MMP26: variants seen among roughly 807,000 people sequenced by gnomAD.
MMP26 encodes matrix metalloproteinase-26.
MMP26 carries 33 observed loss-of-function variants against 31.0 expected under a neutral mutation model. That is an observed-to-expected ratio of 1.06 (90% CI 0.81 to 1.42). The LOEUF (loss-of-function observed/expected upper bound fraction) is 1.42. Among genes scored for constraint, MMP26 ranks in the 40% most tolerant of loss-of-function variants. The pLI is 0.00. For synonymous variants in MMP26, 122 were observed against 114.9 expected (o/e 1.06, Z -0.40); for missense variants, 347 against 316.1 (o/e 1.10, Z -0.74).
At chr11:4,974,352 A>G (rs1846707585) in intron 2 of MMP26, among the ~76,000 whole-genome samples, 1 of 145,476 alleles carries the variant, frequency 6.9e-6, no homozygotes, top group Non-Finnish European at 1.5e-5. Context: ...AAAAGTTCAA[A>G]ACATTTACAT....
chr11:4,906,049 A>G (rs1023620858), intron 2 of MMP26, among the ~76,000 whole-genome samples: 1 of 152,190 alleles, frequency 6.6e-6, no homozygotes, highest in African/African-American at 2.4e-5. Flanking sequence ...TCCAATCAAG[A>G]TGGATAAGAT....
chr11:4,791,908 A>G (rs1564910552), intron 2 of MMP26, among the ~76,000 whole-genome samples: 1 of 151,738 alleles, frequency 6.6e-6, no homozygotes, highest in Non-Finnish European at 1.5e-5. Context: ...TTTTTCTAGC[A>G]ATCACCCTAT....
At chr11:4,816,968 C>G (rs187221094) in intron 2 of MMP26, among the ~76,000 whole-genome samples, 2 of 150,484 alleles carry the variant, frequency 1.3e-5, no homozygotes, top group African/African-American at 2.4e-5. Context: ...CCTCGGCCTC[C>G]CAAAGTGGGG....
chr11:4,908,468 G>C (rs1456807537), intron 2 of MMP26: 1 of 676,840 alleles, frequency 1.5e-6, no homozygotes. Flanking sequence ...TAACTGAACA[G>C]GATAGAAAAA....
chr11:4,923,691 A>G, intron 2 of MMP26: 2 of 1,614,122 alleles, frequency 1.2e-6, no homozygotes, highest in South Asian at 1.1e-5. Context: ...TATGAGAGAA[A>G]GATGAGCAGG....
chr11:4,756,875 G>C (rs893443432), intron 1 of MMP26: 4 of 151,616 alleles, frequency 2.6e-5, no homozygotes, highest in Non-Finnish European at 5.9e-5. Flanking sequence ...TATTTTAAAA[G>C]ATGTAAATAA....
intron 2 of MMP26, among the ~76,000 whole-genome samples, chr11:4,862,103 T>C (rs1850169637): frequency 1.3e-5 from 2 of 152,326 alleles, no homozygotes; most frequent in South Asian, 4.1e-4. Context: ...TCACCCCTAG[T>C]GAAGCTCTCC....
At chr11:4,858,207 T>G (rs1481556728) in intron 2 of MMP26, among the ~76,000 whole-genome samples, 2 of 151,972 alleles carry the variant, frequency 1.3e-5, no homozygotes, top group Admixed American at 6.6e-5. Context: ...TTCAACATAG[T>G]ATTGGAAGTT....
intron 1 of MMP26, among the ~76,000 whole-genome samples, chr11:4,745,918 T>C (rs1031867513): frequency 2.0e-5 from 3 of 152,212 alleles, no homozygotes; most frequent in African/African-American, 4.8e-5. Context: ...TTCTTTAATG[T>C]CTTTTCATGG....
At chr11:4,765,058 C>T (rs1237268698) in intron 1 of MMP26, among the ~76,000 whole-genome samples, 2 of 152,152 alleles carry the variant, frequency 1.3e-5, no homozygotes, top group African/African-American at 4.8e-5. Context: ...CTTGGCTTCT[C>T]CTTGTAACTC....
intron 1 of MMP26, among the ~76,000 whole-genome samples, chr11:4,745,978 C>T (rs1177381946): frequency 6.6e-6 from 1 of 152,136 alleles, no homozygotes; most frequent in Admixed American, 6.6e-5. Context: ...AGAGATGTAT[C>T]AGGAATCCAA....
rs534203895 is a variant in MMP26 at position 4,848,073 on chromosome 11, G to T, written c.-145+80732G>T. 5.5e-5 allele frequency: 38 copies of T among 686,786 alleles called. No homozygotes were observed. The African/African-American group carries it at 6.6e-4, about 12-fold the overall frequency. 42.5% of individuals were successfully genotyped at this position (686,786 alleles called of 1,614,324 possible). ...CATGTTCATTCTTTGGGGCTTGTAAGTTTGCATCAATATACACAGGCATAC... is the reference window on the plus strand; with the variant it reads ...CATGTTCATTCTTTGGGGCTTGTAATTTTGCATCAATATACACAGGCATAC... On this transcript the variant is annotated intron_variant, in intron 2 of 7. Transcript: ENST00000380390.
At chr11:4,793,635 A>G (rs1849062831) in intron 2 of MMP26, 1 of 152,202 alleles carries the variant, frequency 6.6e-6, no homozygotes, top group African/African-American at 2.4e-5. Context: ...ACATCCTGAG[A>G]ATTACTCACA....
chr11:4,868,685 A>C (rs1850270753), intron 2 of MMP26, among the ~76,000 whole-genome samples: 1 of 152,190 alleles, frequency 6.6e-6, no homozygotes, highest in African/African-American at 2.4e-5. Flanking sequence ...TAAAGCTACC[A>C]ATGACTTTCT....
At chr11:4,722,931 A>G in intron 1 of MMP26, 1 of 782,808 alleles carries the variant, frequency 1.3e-6, no homozygotes, top group Non-Finnish European at 2.3e-6. Flanking sequence ...CCACCTGCAT[A>G]GACACTGGTG....
At chr11:4,981,928 A>G (rs973679751) in intron 2 of MMP26, among the ~76,000 whole-genome samples, 1 of 151,790 alleles carries the variant, frequency 6.6e-6, no homozygotes, top group Non-Finnish European at 1.5e-5. Context: ...TTACACCTCC[A>G]TATCTTGTCC....
chr11:4,764,684 T>C, intron 1 of MMP26, among the ~76,000 whole-genome samples: 1 of 152,172 alleles, frequency 6.6e-6, no homozygotes, highest in East Asian at 1.9e-4. Context: ...TCTTGGCTAC[T>C]AACACGGTGA....
chr11:4,872,474 AC>A (rs1466878507), intron 2 of MMP26, among the ~76,000 whole-genome samples: 1 of 151,976 alleles, frequency 6.6e-6, no homozygotes, highest in Non-Finnish European at 1.5e-5. Flanking sequence ...TAAAACAAGA[AC>A]TTTATAGATC....
chr11:4,953,509 A>AATAAAAAAG (rs1846394488), intron 2 of MMP26, among the ~76,000 whole-genome samples: 1 of 125,358 alleles, frequency 8.0e-6, no homozygotes, highest in East Asian at 2.3e-4. Flanking sequence ...AGAGGGTCAT[A>AATAAAAAAG]ATACAAGCTT....
Sources: allele counts gnomAD v4.1 joint callset (sites outside exome capture counted in the v4.1 genomes callset), GRCh38; gene constraint gnomAD v4.1.1; transcripts MANE v1.5; gene names NCBI Gene and HGNC (gene_info 2026-07-23, HGNC 2026-07-21).